The following ABCA3 variants were observed in gnomAD, a reference collection of about 807,000 sequenced individuals.
ABCA3 encodes the protein ATP binding cassette subfamily A member 3, also known as phospholipid-transporting ATPase ABCA3.
ABCA3 carries 88 observed loss-of-function variants against 172.8 expected under a neutral mutation model. That is an observed-to-expected ratio of 0.51 (90% CI 0.43 to 0.61). The LOEUF is 0.61. Among genes scored for constraint, ABCA3 ranks in the 20% least tolerant of loss-of-function variants. The pLI is 0.00. For missense variants in ABCA3, 2,164 were observed against 2,301.0 expected (o/e 0.94, Z 1.22); for synonymous variants, 1,066 against 983.8 (o/e 1.08, Z -1.56).
rs191147246 is a variant in ABCA3, at chr16:2,333,450, G to T, written c.-538-3596C>A. Among the ~76,000 whole-genome samples, 309 of 152,250 alleles carry T rather than the reference G, an allele frequency of 2.0e-3. 1 individual carries two copies. Among genetic ancestry groups the T allele is most frequent in the African/African-American group, 6.8e-3 (284 of 41,556 alleles). ...TCACATTTGGTGCTTTTCCTTCAGG[G>T]GAGGACCCAACATCCCAATATTGAC... On this transcript the variant is annotated intron_variant, in intron 1 of 32. Coordinates refer to ENST00000301732, the MANE Select transcript of ABCA3 (RefSeq NM_001089.3).
chr16:2,290,233 T>G (rs1447533553), intron 19 of ABCA3, among the ~76,000 whole-genome samples: 1 of 152,178 alleles, frequency 6.6e-6, no homozygotes, highest in Non-Finnish European at 1.5e-5. Context: ...CCACTCATCT[T>G]TCATGATCTG....
At chr16:2,299,286 C>A (rs2093685145) in intron 14 of ABCA3, 117 bp downstream of exon 14, 2 of 1,437,810 alleles carry the variant, frequency 1.4e-6, no homozygotes, top group Non-Finnish European at 1.9e-6. Flanking sequence ...GCATCTCCTG[C>A]CGCTGTGGTT....
chr16:2,336,213 T>A (rs1313603318), intron 1 of ABCA3, among the ~76,000 whole-genome samples: 1 of 152,134 alleles, frequency 6.6e-6, no homozygotes, highest in African/African-American at 2.4e-5. Flanking sequence ...TATATGAACA[T>A]TTACACCCGC....
intron 1 of ABCA3, among the ~76,000 whole-genome samples, chr16:2,334,334 A>G (rs1473045902): frequency 2.0e-5 from 3 of 152,132 alleles, no homozygotes; most frequent in Non-Finnish European, 4.4e-5. Context: ...AAGGCGCTGG[A>G]TGTTGCACCA....
intron 12 of ABCA3, among the ~76,000 whole-genome samples, chr16:2,303,439 A>AT (rs1241807289): frequency 7.4e-5 from 11 of 148,812 alleles, no homozygotes; most frequent in Non-Finnish European, 1.6e-4. Flanking sequence ...TTTTTTTTTT[A>AT]TTTTTTATTT....
intron 11 of ABCA3, among the ~76,000 whole-genome samples, chr16:2,307,025 A>G (rs999314242): frequency 6.7e-5 from 8 of 119,432 alleles, no homozygotes; most frequent in African/African-American, 2.1e-4. Flanking sequence ...TCAAAAAAAA[A>G]AAAAAAAAAA....
chr16:2,283,463 A>G lies in ABCA3; in HGVS notation c.3863-105T>C. 2.2e-6 allele frequency: 3 copies of G among 1,336,804 alleles called. No individual in the cohort carries two copies. Among genetic ancestry groups the G allele is most frequent in the Non-Finnish European group, 3.1e-6 (3 of 971,480 alleles). 82.8% of individuals were successfully genotyped at this position (1,336,804 alleles called of 1,614,324 possible). ...CCCCAGGCTGCTCAAGGCGCCTGTA[A>G]CAATGTCCCCTCCATGGGGAGATGT... is the stretch of plus-strand genomic sequence containing the variant. On this transcript the variant is annotated intron_variant, in intron 25 of 32. Coordinates refer to ENST00000301732, the MANE Select transcript of ABCA3 (RefSeq NM_001089.3). The surrounding 1 kb of genome is among the most constrained non-coding windows in gnomAD (Gnocchi z 5.4).
At chr16:2,298,070 C>G (rs2093682934) in intron 15 of ABCA3, 149 bp from the exon 16 acceptor site, 1 of 799,816 alleles carries the variant, frequency 1.3e-6, no homozygotes, top group Non-Finnish European at 1.9e-6. Context: ...CAGCAAGGTT[C>G]TGGTGAGAGG....
At chr16:2,314,147 G>A (rs887559872) in intron 10 of ABCA3, among the ~76,000 whole-genome samples, 7 of 152,120 alleles carry the variant, frequency 4.6e-5, no homozygotes, top group Non-Finnish European at 7.3e-5. Flanking sequence ...CTGGGTGTAC[G>A]CCCAAAGAAT....
intron 9 of ABCA3, 90 bp from the exon 10 acceptor site, chr16:2,317,493 TCCA>T (rs1486178805): frequency 1.4e-6 from 2 of 1,412,258 alleles, no homozygotes; most frequent in African/African-American, 4.4e-5. Flanking sequence ...GGGACGCGGC[TCCA>T]CCGAGAGGAG....
chr16:2,276,411 C>G lies in ABCA3; in HGVS notation c.*263G>C, dbSNP rs2093646419. ...AGCTCTCCACCCAGAGACCCCGGAG[C>G]TTGCCCGCAGACTGCCCGGCCTGCC... On this transcript the variant is annotated 3_prime_UTR_variant, in exon 33 of 33. Transcript: ENST00000301732. The G allele has an allele frequency of 1.6e-6, 1 of 630,746 alleles. No individual in the cohort carries two copies. The highest frequency in any genetic ancestry group is 2.2e-5 in the Admixed American group (1 of 45,952). 39.1% of individuals were successfully genotyped at this position (630,746 alleles called of 1,614,324 possible). A position where few individuals can be genotyped will look rare whatever the true frequency, so the allele number is the denominator to read the frequency against.
At position 2,317,667 on chromosome 16, in the gene ABCA3, G is replaced by A; in HGVS notation, c.971C>T (p.Thr324Ile). 1 of 1,614,252 alleles carries A rather than the reference G, an allele frequency of 6.2e-7. No individual in the cohort carries two copies. Among genetic ancestry groups the A allele is most frequent in the Non-Finnish European group, 8.5e-7 (1 of 1,180,036 alleles). Residue 324 changes from threonine (T) to isoleucine (I), a missense_variant, in exon 9 of 33, where the codon ACC becomes ATC. Physicochemically the swap from Thr to Ile is moderately conservative, Grantham distance 89 (BLOSUM62 -1). This residue lies in a region of ABCA3 where 1,343 missense variants were observed against 1,369.6 expected (regional missense o/e 0.98). Transcript: ENST00000301732. ...LFLLIAASFM[T>I]LLFCVKVKPN... ...GCTCACCTTGACACAGAAGAGCAGGGTCATGAAGGAGGCGGCGATGAGGAG... is the reference window on the plus strand; with the variant it reads ...GCTCACCTTGACACAGAAGAGCAGGATCATGAAGGAGGCGGCGATGAGGAG...
Position 2,285,164 on chromosome 16 carries a change from C to T in ABCA3, c.3484-166G>A, listed in dbSNP as rs1271157414. Among the ~76,000 whole-genome samples the T allele has an allele frequency of 1.3e-5, 2 of 152,214 alleles. No homozygotes were observed. Among genetic ancestry groups the T allele is most frequent in the East Asian group, 3.9e-4 (2 of 5,182 alleles). On this transcript the variant is annotated intron_variant, in intron 23 of 32. Coordinates refer to ENST00000301732, the MANE Select transcript of ABCA3 (RefSeq NM_001089.3). The surrounding 1 kb of genome is among the most constrained non-coding windows in gnomAD (Gnocchi z 4.7). ...TCTGGCCCCCGCGGTGGCTTTCAGC[C>T]CCAGGACCCTCTCTGTCCCAGTTTC...
rs369081312 is a variant in ABCA3 at position 2,295,722 on chromosome 16, G to A, written c.2282C>T (p.Thr761Met). 51 of 1,613,986 alleles carry A rather than the reference G, an allele frequency of 3.2e-5. No homozygotes were observed. Among genetic ancestry groups the A allele is most frequent in the African/African-American group, 1.2e-4 (9 of 75,074 alleles). The part of the protein sequence containing the change: ...KQKYGAGYHM[T>M]LVKEPHCNPE... ...GTTGCAGTGCGGCTCCTTCACCAGC[G>A]TCATGTGATAGCCGGCACCTGGAAT... The change falls in exon 18 of 33, where the codon ACG becomes ATG. Residue 761 changes from threonine to methionine, a missense_variant. Physicochemically the swap from Thr to Met is moderately conservative, Grantham distance 81 (BLOSUM62 -1). Around this residue, in one of 3 missense-constraint regions of ABCA3, gnomAD observed 1,343 missense variants for 1,369.6 expected, o/e 0.98. Transcript: ENST00000301732.
At chr16:2,291,643 C>G (rs1159922499) in intron 19 of ABCA3, among the ~76,000 whole-genome samples, 3 of 152,216 alleles carry the variant, frequency 2.0e-5, no homozygotes, top group Admixed American at 2.0e-4. Flanking sequence ...TTCCCACGCA[C>G]ACCAATGTTG....
rs546559549 is a variant in ABCA3 at position 2,301,006 on chromosome 16, G to A, written c.1468-858C>T. On this transcript the variant is annotated intron_variant, in intron 12 of 32. Transcript: ENST00000301732. ...AGCACTTTGGGAGGCCGAGGCGGGC[G>A]GATCATGAGGTCAGGAGATCGAGAC... Among the ~76,000 whole-genome samples, 1,103 of 151,858 alleles carry A rather than the reference G, an allele frequency of 7.3e-3. 6 individuals are homozygous for A. The highest frequency in any genetic ancestry group is 0.012 in the Non-Finnish European group (807 of 67,920).
Position 2,326,156 on chromosome 16 carries a change from G to T in ABCA3, c.173C>A (p.Pro58Gln). Reference protein sequence around the residue: ...SENVPNATIYPGQSIQELPLF... With the variant: ...SENVPNATIYQGQSIQELPLF... Reference sequence around the variant, plus strand: ...AGGCAGCTCCTGGATGGACTGGCCCGGGTAGATGGTGGCGTTGGGCACATT... The same window carrying T: ...AGGCAGCTCCTGGATGGACTGGCCCTGGTAGATGGTGGCGTTGGGCACATT... The change falls in exon 5 of 33, where the codon CCG (proline) becomes CAG (glutamine). Residue 58 changes from proline to glutamine, a missense_variant. Around this residue, in one of 3 missense-constraint regions of ABCA3, gnomAD observed 1,343 missense variants for 1,369.6 expected, o/e 0.98. Transcript: ENST00000301732. The T allele has an allele frequency of 6.2e-7, 1 of 1,614,190 alleles. No individual in the cohort carries two copies. Among genetic ancestry groups the T allele is most frequent in the South Asian group, 1.1e-5 (1 of 91,086 alleles).
chr16:2,304,292 A>T, intron 11 of ABCA3, 142 bp from the exon 12 acceptor site: 1 of 860,282 alleles, frequency 1.2e-6, no homozygotes. Context: ...TCCCGGTTTT[A>T]TAACAAGTTG....
rs759112307 is a variant in ABCA3 at position 2,277,887 on chromosome 16, G to T, written c.4901C>A (p.Thr1634Asn). Reference sequence around the variant, plus strand: ...CCGGGGCCGGCACACACCTGGAAAGGTCAGGTCCACGAAGGCCTTGAACTC... The same window carrying T: ...CCGGGGCCGGCACACACCTGGAAAGTTCAGGTCCACGAAGGCCTTGAACTC... ...LEEFKAFVDL[T>N]FPGSVLEDEH... The change falls in exon 31 of 33, where the codon ACC becomes AAC. Residue 1634 changes from threonine to asparagine, a missense_variant. By Grantham distance (65) the Thr-to-Asn change is moderately conservative. Coordinates refer to ENST00000301732, the MANE Select transcript of ABCA3 (RefSeq NM_001089.3). The surrounding 1 kb of genome is among the most constrained non-coding windows in gnomAD (Gnocchi z 5.3). The T allele has an allele frequency of 9.3e-6, 15 of 1,609,212 alleles. No individual in the cohort carries two copies. The highest frequency in any genetic ancestry group is 7.7e-5 in the South Asian group (7 of 90,986).
Sources: allele counts gnomAD v4.1 joint callset (sites outside exome capture counted in the v4.1 genomes callset), GRCh38; gene constraint gnomAD v4.1.1; regional missense constraint gnomAD v4.1.1; non-coding constraint Gnocchi (gnomAD v3.1); transcripts MANE v1.5; gene names NCBI Gene and HGNC (gene_info 2026-07-23, HGNC 2026-07-21).